Variants in PKD2L2 observed in about 807,000 individuals in gnomAD.
PKD2L2 encodes the protein polycystin 2 like 2, transient receptor potential cation channel.
Under a neutral mutation model 83.9 loss-of-function variants are expected in PKD2L2, and 67 were observed. That is an observed-to-expected ratio of 0.80 (90% confidence interval 0.66 to 0.98). The LOEUF (loss-of-function observed/expected upper bound fraction) is 0.98, where lower values mean the gene tolerates loss of function less well. Ranked by LOEUF, PKD2L2 falls within the 50% of genes least tolerant of loss-of-function variation. The pLI, the probability that PKD2L2 is intolerant of heterozygous loss-of-function variation, is 0.00. For synonymous variants in PKD2L2, 223 were observed against 237.8 expected, an observed-to-expected ratio of 0.94 and a Z score of 0.57; for missense variants, 632 against 717.2, an observed-to-expected ratio of 0.88 and a Z score of 1.36.
intron 8 of PKD2L2, among the ~76,000 whole-genome samples, chr5:137,915,618 A>G (rs1290508939): frequency 5.3e-5 from 8 of 151,842 alleles, no homozygotes. Context: ...ACGGGGTTTC[A>G]CCATGTTGGT....
chr5:137,913,426 T>C (rs1348259003), intron 8 of PKD2L2, among the ~76,000 whole-genome samples: 1 of 151,154 alleles, frequency 6.6e-6, no homozygotes, highest in South Asian at 2.1e-4. Context: ...CCTCAAGCAA[T>C]CTCCAACCTT....
At chr5:137,921,805 G>C in intron 9 of PKD2L2, 49 bp downstream of exon 9, 1 of 1,341,556 alleles carries the variant, frequency 7.5e-7, no homozygotes, top group Non-Finnish European at 1.0e-6. Flanking sequence ...AGAATAAAAA[G>C]TAAAATTACT....
chr5:137,939,999 A>C (rs977840899), intron 14 of PKD2L2: 13 of 1,589,180 alleles, frequency 8.2e-6, no homozygotes, highest in African/African-American at 1.4e-5. Flanking sequence ...TGTTTGCTAA[A>C]GGTGGAGAGG....
At chr5:137,941,602 C>A (rs544686998) in intron 14 of PKD2L2, among the ~76,000 whole-genome samples, 1 of 152,334 alleles carries the variant, frequency 6.6e-6, no homozygotes, top group African/African-American at 2.4e-5. Flanking sequence ...GTTAAGGATA[C>A]CACTCCTGTC....
chr5:137,940,227 A>G, intron 14 of PKD2L2: 5 of 1,614,038 alleles, frequency 3.1e-6, no homozygotes, highest in Non-Finnish European at 4.2e-6. Flanking sequence ...AACGTATCTT[A>G]TATGGATTTT....
At chr5:137,915,073 T>G (rs993990291) in intron 8 of PKD2L2, among the ~76,000 whole-genome samples, 2 of 152,240 alleles carry the variant, frequency 1.3e-5, no homozygotes, top group African/African-American at 2.4e-5. Flanking sequence ...TATATTGGCC[T>G]GTAATTTTCT....
chr5:137,941,049 G>A lies in PKD2L2; in HGVS notation c.*18-1335G>A, dbSNP rs140173861. Reference sequence around the variant, plus strand: ...GCCTCTAGAGTAGCTGGAACTACAGGTGCCCGCCACCACGCCTGCCTAATT... The same window carrying A: ...GCCTCTAGAGTAGCTGGAACTACAGATGCCCGCCACCACGCCTGCCTAATT... On this transcript the variant is annotated intron_variant, in intron 14 of 14. Coordinates refer to ENST00000508883, the MANE Select transcript of PKD2L2 (RefSeq NM_001300921.2). Among the ~76,000 whole-genome samples, 231 of 152,196 alleles carry A rather than the reference G, an allele frequency of 1.5e-3. 8 individuals are homozygous for A. The East Asian group carries it at 0.039, about 26-fold the overall frequency.
At position 137,899,643 on chromosome 5, in the gene PKD2L2, C is replaced by A. The variant is rs748794416; in HGVS notation, c.652C>A (p.Leu218Ile). The A allele has an allele frequency of 2.5e-6, 4 of 1,613,046 alleles. No individual in the cohort carries two copies. The highest frequency in any genetic ancestry group is 3.4e-6 in the Non-Finnish European group (4 of 1,179,160). ...TGAAACCAAAAACAAGTTCATTGAC[C>A]TTCGACTGAACAGCTGGATCACAAG... The part of the protein sequence containing the change: ...KSETKNKFID[L>I]RLNSWITRGT... The change falls in exon 5 of 15, where the codon CTT (leucine) becomes ATT (isoleucine). Residue 218 changes from leucine to isoleucine, a missense_variant. This residue lies in a region of PKD2L2 where 229 missense variants were observed against 281.5 expected (regional missense o/e 0.81). Coordinates refer to ENST00000508883, the MANE Select transcript of PKD2L2 (RefSeq NM_001300921.2).
Position 137,925,105 on chromosome 5 carries a change from G to C in PKD2L2, c.1616+1G>C, listed in dbSNP as rs373016532. ...CTCAAAAAGATGAAGACAAGAAAACGTAAGATGACTTCTCTCAAATGTTTA... is the reference window on the plus strand; with the variant it reads ...CTCAAAAAGATGAAGACAAGAAAACCTAAGATGACTTCTCTCAAATGTTTA... On this transcript the variant is annotated splice_donor_variant, in intron 11 of 14. Coordinates refer to ENST00000508883, the MANE Select transcript of PKD2L2 (RefSeq NM_001300921.2). LOFTEE classifies it high-confidence loss of function. 1 of 1,567,900 alleles carries C rather than the reference G, an allele frequency of 6.4e-7. No homozygotes were observed.
chr5:137,890,461 T>G lies in PKD2L2; in HGVS notation c.32-20T>G. ...AATTACATAATAATGTAAAGAAAAA[T>G]TTTGTCTTATATCTCACAGGGGCTT... On this transcript the variant is annotated intron_variant, in intron 1 of 14. Transcript: ENST00000508883. 1.4e-6 allele frequency: 2 copies of G among 1,380,486 alleles called. No individual in the cohort carries two copies. Among genetic ancestry groups the G allele is most frequent in the Non-Finnish European group, 2.0e-6 (2 of 992,584 alleles). The allele number at this position is 1,380,486 out of a possible 1,614,324, so 85.5% of individuals were successfully genotyped here. A position where few individuals can be genotyped will look rare whatever the true frequency, so the allele number is the denominator to read the frequency against.
At chr5:137,920,351 G>A (rs1317388293) in intron 8 of PKD2L2, among the ~76,000 whole-genome samples, 3 of 152,114 alleles carry the variant, frequency 2.0e-5, no homozygotes, top group Admixed American at 6.6e-5. Context: ...AATTCTACTT[G>A]TTACTACTGT....
At chr5:137,902,196 G>T (rs948981113) in intron 5 of PKD2L2, among the ~76,000 whole-genome samples, 24 of 151,962 alleles carry the variant, frequency 1.6e-4, no homozygotes, top group African/African-American at 5.6e-4. Flanking sequence ...GACTGCTTTT[G>T]ACTTCTTTTA....
intron 8 of PKD2L2, among the ~76,000 whole-genome samples, chr5:137,911,935 A>G (rs1281246557): frequency 6.6e-6 from 1 of 152,098 alleles, no homozygotes; most frequent in Non-Finnish European, 1.5e-5. Context: ...TGCTTATTTC[A>G]CTTAATATGA....
chr5:137,940,817 A>G (rs1438124650), intron 14 of PKD2L2, among the ~76,000 whole-genome samples: 1 of 152,250 alleles, frequency 6.6e-6, no homozygotes, highest in Non-Finnish European at 1.5e-5. Flanking sequence ...CGCTAGCTAA[A>G]GCATCAAACT....
chr5:137,900,677 C>A (rs1283816588), intron 5 of PKD2L2, among the ~76,000 whole-genome samples: 1 of 152,130 alleles, frequency 6.6e-6, no homozygotes, highest in African/African-American at 2.4e-5. Context: ...ATTGAAAATG[C>A]AGCTTCTATG....
intron 8 of PKD2L2, 44 bp from the exon 9 acceptor site, chr5:137,921,592 T>G (rs1360894720): frequency 2.5e-6 from 3 of 1,222,768 alleles, no homozygotes; most frequent in Non-Finnish European, 1.2e-6. Context: ...TTGTCATGTA[T>G]GTACATAAAG....
chr5:137,928,569 C>G (rs1759575785), intron 12 of PKD2L2, among the ~76,000 whole-genome samples: 1 of 152,130 alleles, frequency 6.6e-6, no homozygotes, highest in Non-Finnish European at 1.5e-5. Context: ...GTAGCTGGGA[C>G]TACAGGCATG....
intron 14 of PKD2L2, chr5:137,940,243 A>C: frequency 3.1e-6 from 5 of 1,613,992 alleles, no homozygotes; most frequent in Non-Finnish European, 3.4e-6. Flanking sequence ...ATTTTGAAGA[A>C]TCTTGTTTGC....
intron 14 of PKD2L2, chr5:137,942,030 T>C: frequency 5.0e-6 from 8 of 1,613,866 alleles, no homozygotes; most frequent in Non-Finnish European, 5.9e-6. Flanking sequence ...TCCAAAGTTG[T>C]TCCAATAATT....
Sources: gnomAD v4.1 joint callset for allele counts (sites outside exome capture counted in the v4.1 genomes callset) on GRCh38, gnomAD v4.1.1 for gene constraint, gnomAD v4.1.1 regional missense constraint, MANE v1.5 for transcripts, NCBI Gene and HGNC (gene_info 2026-07-23, HGNC 2026-07-21) for gene names.